The following GPHN variants were observed in gnomAD, a reference collection of about 807,000 sequenced individuals.
GPHN encodes gephyrin.
In GPHN, 17 loss-of-function variants were observed where a neutral mutation model predicts 95.5. The ratio of observed to expected loss-of-function variants is 0.18; its 90% CI spans 0.12 to 0.27. The LOEUF (loss-of-function observed/expected upper bound fraction) is 0.27. GPHN is among the 10% of genes least tolerant of loss of function. GPHN has a pLI of 1.00. For synonymous variants in GPHN, 320 were observed against 322.5 expected, an observed-to-expected ratio of 0.99 and a Z score of 0.08; for missense variants, 660 against 978.1, an observed-to-expected ratio of 0.67 and a Z score of 4.34.
chr14:66,539,919 G>T (rs2059293441), intron 1 of GPHN, among the ~76,000 whole-genome samples: 1 of 152,086 alleles, frequency 6.6e-6, no homozygotes, highest in Non-Finnish European at 1.5e-5. Flanking sequence ...TTAAAAATTG[G>T]ATTGAAATTC....
At chr14:67,628,988 T>C in the GPHN span, among the ~76,000 whole-genome samples, 1 of 152,232 alleles carries the variant, frequency 6.6e-6, no homozygotes, top group African/African-American at 2.4e-5. Flanking sequence ...CATTGATGGA[T>C]GAATGGACAA....
At chr14:67,203,599 G>C in the GPHN span, among the ~76,000 whole-genome samples, 1 of 152,174 alleles carries the variant, frequency 6.6e-6, no homozygotes, top group Non-Finnish European at 1.5e-5. Context: ...AATTAGCTCT[G>C]GTCCTGTCTC....
At chr14:66,520,408 A>C (rs1356853017) in intron 1 of GPHN, among the ~76,000 whole-genome samples, 1 of 152,140 alleles carries the variant, frequency 6.6e-6, no homozygotes, top group African/African-American at 2.4e-5. Flanking sequence ...AGGATTCTTT[A>C]TTGCAAATGA....
At chr14:67,499,816 C>T in the GPHN span, among the ~76,000 whole-genome samples, 1 of 149,256 alleles carries the variant, frequency 6.7e-6, no homozygotes, top group East Asian at 2.0e-4. Context: ...ACAGGCATGA[C>T]CATCACTGCT....
the GPHN span, among the ~76,000 whole-genome samples, chr14:67,489,875 A>T: frequency 2.6e-5 from 4 of 152,102 alleles, no homozygotes; most frequent in African/African-American, 7.2e-5. Flanking sequence ...CTGTAGTCCC[A>T]GCTACTTGGG....
intron 3 of GPHN, among the ~76,000 whole-genome samples, chr14:66,804,643 A>G (rs550784198): frequency 1.3e-4 from 20 of 152,346 alleles, no homozygotes; most frequent in Non-Finnish European, 2.6e-4. Flanking sequence ...TCCAAAATCA[A>G]CAAATACACA....
intron 1 of GPHN, among the ~76,000 whole-genome samples, chr14:66,542,222 A>C (rs2059378448): frequency 6.6e-6 from 1 of 152,256 alleles, no homozygotes; most frequent in Admixed American, 6.5e-5. Flanking sequence ...AGTTTTACTT[A>C]AATTCATGGT....
intron 8 of GPHN, among the ~76,000 whole-genome samples, chr14:66,940,015 G>C (rs760117231): frequency 2.6e-5 from 4 of 152,146 alleles, no homozygotes; most frequent in Non-Finnish European, 4.4e-5. Flanking sequence ...ACAGGGAGAA[G>C]GGGGACCAAA....
chr14:67,114,912 A>T (rs1360737278), intron 16 of GPHN, among the ~76,000 whole-genome samples: 1 of 152,206 alleles, frequency 6.6e-6, no homozygotes, highest in African/African-American at 2.4e-5. Context: ...GGGTGAGAAT[A>T]GAGATGGTAT....
At chr14:66,730,350 C>G (rs1379826507) in intron 2 of GPHN, among the ~76,000 whole-genome samples, 1 of 152,174 alleles carries the variant, frequency 6.6e-6, no homozygotes, top group Admixed American at 6.5e-5. Context: ...TCTCTGGAAT[C>G]ACTATCTTTA....
At chr14:66,686,373 C>T (rs1276735678) in intron 2 of GPHN, among the ~76,000 whole-genome samples, 4 of 152,146 alleles carry the variant, frequency 2.6e-5, no homozygotes, top group Non-Finnish European at 4.4e-5. Flanking sequence ...TCTTCCTATC[C>T]ATGAGCATGG....
At chr14:66,622,725 A>G (rs911524706) in intron 1 of GPHN, among the ~76,000 whole-genome samples, 2 of 152,204 alleles carry the variant, frequency 1.3e-5, no homozygotes, top group Non-Finnish European at 2.9e-5. Flanking sequence ...TTGCCAAAAC[A>G]TAGCAAGAGT....
At chr14:67,639,741 C>A in the GPHN span, among the ~76,000 whole-genome samples, 1 of 151,804 alleles carries the variant, frequency 6.6e-6, no homozygotes, top group Non-Finnish European at 1.5e-5. Flanking sequence ...GCCAACATGG[C>A]GAAACCCTGT....
intron 2 of GPHN, among the ~76,000 whole-genome samples, chr14:66,741,216 G>A (rs1051117478): frequency 6.6e-6 from 1 of 152,088 alleles, no homozygotes; most frequent in African/African-American, 2.4e-5. Context: ...CTTTGAAGAC[G>A]TTCTTGATTT....
At chr14:66,615,551 A>G (rs1345692013) in intron 1 of GPHN, among the ~76,000 whole-genome samples, 1 of 143,294 alleles carries the variant, frequency 7.0e-6, no homozygotes, top group Non-Finnish European at 1.5e-5. Context: ...TCTTTTGCCT[A>G]CTTTTTGATG....
intron 10 of GPHN, among the ~76,000 whole-genome samples, chr14:67,043,910 A>G (rs117620399): frequency 0.018 from 2,722 of 152,170 alleles, 30 homozygotes; most frequent in Non-Finnish European, 0.027. Context: ...GAACTTGTTA[A>G]TGGTTTATTC....
At chr14:66,757,106 G>A (rs1418862692) in intron 2 of GPHN, among the ~76,000 whole-genome samples, 1 of 152,044 alleles carries the variant, frequency 6.6e-6, no homozygotes, top group Non-Finnish European at 1.5e-5. Flanking sequence ...TACTTTATTT[G>A]AGAGTGGTTA....
At chr14:66,946,595 G>A (rs183816855) in intron 8 of GPHN, among the ~76,000 whole-genome samples, 402 of 152,068 alleles carry the variant, frequency 2.6e-3, no homozygotes, top group African/African-American at 7.8e-3. Flanking sequence ...TAGTAGAGAC[G>A]GGGTTTCATA....
intron 1 of GPHN, among the ~76,000 whole-genome samples, chr14:66,673,092 T>C (rs2066392637): frequency 6.6e-6 from 1 of 152,060 alleles, no homozygotes; most frequent in Non-Finnish European, 1.5e-5. Flanking sequence ...TTTTTAATTT[T>C]TATTTTTATT....
Sources: allele counts gnomAD v4.1 joint callset (sites outside exome capture counted in the v4.1 genomes callset), GRCh38; gene constraint gnomAD v4.1.1; transcripts MANE v1.5; gene names NCBI Gene and HGNC (gene_info 2026-07-23, HGNC 2026-07-21).